CDCA7L: variants seen among roughly 807,000 people sequenced by gnomAD.
CDCA7L encodes cell division cycle-associated 7-like protein.
CDCA7L carries 44 observed loss-of-function variants against 57.4 expected under a neutral mutation model. That is an observed-to-expected ratio of 0.77 (90% CI 0.60 to 0.98). The LOEUF (loss-of-function observed/expected upper bound fraction) is 0.98. Among genes scored for constraint, CDCA7L ranks in the 50% least tolerant of loss-of-function variants. The probability of loss-of-function intolerance (pLI) is 0.00; values close to 1 mark genes in which losing one functional copy is unlikely to be tolerated. For missense variants in CDCA7L, 644 were observed against 580.6 expected (o/e 1.11, Z -1.12); for synonymous variants, 236 against 202.8 (o/e 1.16, Z -1.39).
chr7:21,945,143 GTTT>G (rs1450729099), intron 1 of CDCA7L, among the ~76,000 whole-genome samples: 3 of 152,186 alleles, frequency 2.0e-5, no homozygotes, highest in Admixed American at 6.5e-5. Flanking sequence ...TTGCTAATGA[GTTT>G]TAAAGACGAG....
At chr7:21,936,388 A>G (rs973082313) in intron 1 of CDCA7L, among the ~76,000 whole-genome samples, 1 of 152,204 alleles carries the variant, frequency 6.6e-6, no homozygotes, top group African/African-American at 2.4e-5. Context: ...CTATACAGCC[A>G]TATCTCTTAC....
intron 1 of CDCA7L, among the ~76,000 whole-genome samples, chr7:21,942,934 C>T (rs1786387217): frequency 6.6e-6 from 1 of 152,168 alleles, no homozygotes; most frequent in Non-Finnish European, 1.5e-5. Flanking sequence ...ACCCCTTTAC[C>T]CCTTCAACAG....
intron 1 of CDCA7L, among the ~76,000 whole-genome samples, chr7:21,924,816 C>T (rs1000847582): frequency 2.6e-5 from 4 of 152,148 alleles, no homozygotes; most frequent in Admixed American, 1.3e-4. Flanking sequence ...AAGCCACACA[C>T]TGGGAGAAAA....
rs1784900893 is a variant in CDCA7L, at chr7:21,902,024, T to C, written c.*298A>G. 2.5e-6 allele frequency: 1 copy of C among 406,906 alleles called. No individual in the cohort carries two copies. Among genetic ancestry groups the C allele is most frequent in the Non-Finnish European group, 4.5e-6 (1 of 221,796 alleles). 25.2% of individuals were successfully genotyped at this position (406,906 alleles called of 1,614,324 possible). A position where few individuals can be genotyped will look rare whatever the true frequency, so the allele number is the denominator to read the frequency against. On this transcript the variant is annotated 3_prime_UTR_variant, in exon 10 of 10. Coordinates refer to ENST00000406877, the MANE Select transcript of CDCA7L (RefSeq NM_018719.5). The stretch of plus-strand genomic sequence containing the variant: ...TACAATGTTTTCTCTCTAACTTACT[T>C]ACCTGAACTTTAACCCCACCCCATT...
chr7:21,927,545 A>G (rs1198893664), intron 1 of CDCA7L, among the ~76,000 whole-genome samples: 1 of 152,212 alleles, frequency 6.6e-6, no homozygotes, highest in Non-Finnish European at 1.5e-5. Flanking sequence ...CTTTAGGCAC[A>G]CCAATATAGG....
chr7:21,906,163 T>C, intron 6 of CDCA7L, 126 bp downstream of exon 6: 2 of 843,318 alleles, frequency 2.4e-6, no homozygotes, highest in East Asian at 2.7e-5. Flanking sequence ...CAGAGAGAAA[T>C]GCAAGTTCTC....
At position 21,908,511 on chromosome 7, in the gene CDCA7L, A is replaced by G. The variant is rs766453729; in HGVS notation, c.304-4T>C. The G allele has an allele frequency of 6.6e-7, 1 of 1,506,808 alleles. No individual in the cohort carries two copies. The highest frequency in any genetic ancestry group is 2.3e-5 in the East Asian group (1 of 43,006). 93.3% of individuals were successfully genotyped at this position (1,506,808 alleles called of 1,614,324 possible). ...CACTCAAATCTGACTCCACGACCTA[A>G]TAAAATAAGAGCAAGAAAAAGCACA... On this transcript the variant is annotated splice_region_variant and splice_polypyrimidine_tract_variant and intron_variant, in intron 3 of 9. Transcript: ENST00000406877.
In CDCA7L at chr7:21,945,866, G is replaced by T. The variant is rs370781066; in HGVS notation, c.-62C>A. 59 of 1,539,378 alleles carry T rather than the reference G, an allele frequency of 3.8e-5. No individual in the cohort carries two copies. The Middle Eastern group carries it at 2.2e-3, about 58-fold the overall frequency. ...GGCCACGGGAGCCCGGACTCACCAC[G>T]GCCCGGCGCACCAAGAACGCCCCGC... On this transcript the variant is annotated 5_prime_UTR_variant, in exon 1 of 10. Coordinates refer to ENST00000406877, the MANE Select transcript of CDCA7L (RefSeq NM_018719.5).
In CDCA7L at chr7:21,902,115, CATACATCTAT is replaced by C. The variant is rs753607798; in HGVS notation, c.*197_*206del. 36 of 604,428 alleles carry C rather than the reference CATACATCTAT, an allele frequency of 6.0e-5. No homozygotes were observed. The highest frequency in any genetic ancestry group is 1.0e-4 in the Non-Finnish European group (34 of 337,522). 37.4% of individuals were successfully genotyped at this position (604,428 alleles called of 1,614,324 possible). On this transcript the variant is annotated 3_prime_UTR_variant, in exon 10 of 10. Coordinates refer to ENST00000406877, the MANE Select transcript of CDCA7L (RefSeq NM_018719.5). ...AGTTCAGCATACAGACAGGTCTGTG[CATACATCTAT>C]ATAGATTCCTCTGCTCTGCTGTCTT...
At chr7:21,915,660 C>CA (rs1785462193) in intron 2 of CDCA7L, among the ~76,000 whole-genome samples, 2 of 119,882 alleles carry the variant, frequency 1.7e-5, no homozygotes, top group South Asian at 5.5e-4. Flanking sequence ...AAAAAAAAAA[C>CA]ACACACACAC....
intron 7 of CDCA7L, 32 bp from the exon 8 acceptor site, chr7:21,904,291 C>T (rs2128056853): frequency 6.4e-7 from 1 of 1,550,736 alleles, no homozygotes; most frequent in East Asian, 2.3e-5. Context: ...CAGGTGAACA[C>T]AGGGATATGC....
rs762221676 is a variant in CDCA7L, at chr7:21,902,889, G to A, written c.1334+89C>T. 40 of 1,246,156 alleles carry A rather than the reference G, an allele frequency of 3.2e-5. No individual in the cohort carries two copies. The East Asian group carries it at 4.2e-4, about 13-fold the overall frequency. The allele number at this position is 1,246,156 out of a possible 1,614,324, so 77.2% of individuals were successfully genotyped here. A position where few individuals can be genotyped will look rare whatever the true frequency, so the allele number is the denominator to read the frequency against. The stretch of plus-strand genomic sequence containing the variant: ...GTTTATATAAGTAAGTAAGTCACAC[G>A]GGAAGGCAACAACTACTTGCCCAGA... On this transcript the variant is annotated intron_variant, in intron 9 of 9. Transcript: ENST00000406877.
At chr7:21,932,414 A>G (rs1786044686) in intron 1 of CDCA7L, among the ~76,000 whole-genome samples, 1 of 152,214 alleles carries the variant, frequency 6.6e-6, no homozygotes, top group Admixed American at 6.5e-5. Context: ...CTACAAGGCT[A>G]CAGTAACCAA....
intron 2 of CDCA7L, among the ~76,000 whole-genome samples, chr7:21,912,404 A>G (rs1785361530): frequency 6.6e-6 from 1 of 152,168 alleles, no homozygotes; most frequent in African/African-American, 2.4e-5. Flanking sequence ...TGTAGTCTCA[A>G]TCAGCTTCTA....
At chr7:21,929,631 C>CAAAAAAAAGAAAAAAA (rs1785942297) in intron 1 of CDCA7L, among the ~76,000 whole-genome samples, 1 of 35,510 alleles carries the variant, frequency 2.8e-5, no homozygotes, top group African/African-American at 1.5e-4. Flanking sequence ...AAATGGAAAG[C>CAAAAAAAAGAAAAAAA]AAAAAAAAAA....
Position 21,908,152 on chromosome 7 carries a change from T to G in CDCA7L, c.659A>C (p.Asn220Thr). The G allele has an allele frequency of 6.4e-7, 1 of 1,566,274 alleles. No individual in the cohort carries two copies. The highest frequency in any genetic ancestry group is 1.7e-4 in the Middle Eastern group (1 of 5,834). Residue 220 changes from asparagine to threonine, a missense_variant, in exon 4 of 10, where the codon AAC becomes ACC. By Grantham distance (65) the Asn-to-Thr change is moderately conservative. Coordinates refer to ENST00000406877, the MANE Select transcript of CDCA7L (RefSeq NM_018719.5). ...SSDALLKRTMNIKENKAMLAQ... is the reference protein window; with the variant it reads ...SSDALLKRTMTIKENKAMLAQ... ...CACCATGGCTTTGTTCTCCTTGATG[T>G]TCATGGTCCTTTTCAGCAAAGCATC...
At position 21,935,852 on chromosome 7, in the gene CDCA7L, C is replaced by CA. The variant is rs1220646560; in HGVS notation, c.24+9928dup. ...TGAAACCCCATCTCTACTAAAAATG[C>CA]AAAAAAATTAGCCAGGCTTGGTGGT... On this transcript the variant is annotated intron_variant, in intron 1 of 9. Coordinates refer to ENST00000406877, the MANE Select transcript of CDCA7L (RefSeq NM_018719.5). Among the ~76,000 whole-genome samples, 7 of 151,816 alleles carry CA rather than the reference C, an allele frequency of 4.6e-5. No individual in the cohort carries two copies. The East Asian group carries it at 1.4e-3, about 29-fold the overall frequency.
chr7:21,912,787 C>G (rs1785372882), intron 2 of CDCA7L, among the ~76,000 whole-genome samples: 1 of 152,178 alleles, frequency 6.6e-6, no homozygotes. Context: ...AGGTGAACAA[C>G]CATGGCTAGG....
intron 1 of CDCA7L, among the ~76,000 whole-genome samples, chr7:21,940,670 G>A (rs1243784247): frequency 2.0e-5 from 3 of 152,224 alleles, no homozygotes; most frequent in African/African-American, 7.2e-5. Context: ...GCTGCAGGAT[G>A]CAGTCACCCT....
Sources: allele counts gnomAD v4.1 joint callset (sites outside exome capture counted in the v4.1 genomes callset), GRCh38; gene constraint gnomAD v4.1.1; transcripts MANE v1.5; gene names NCBI Gene and HGNC (gene_info 2026-07-23, HGNC 2026-07-21).